Variants in CRMP1 observed in about 807,000 individuals in gnomAD.
CRMP1 encodes dihydropyrimidinase-related protein 1.
A neutral mutation model predicts 68.3 loss-of-function variants in CRMP1; 19 were observed. The ratio of observed to expected loss-of-function variants is 0.28; its 90% CI spans 0.19 to 0.41. CRMP1 has a LOEUF of 0.41. CRMP1 is among the 10% of genes least tolerant of loss of function. CRMP1 has a pLI of 1.00. For synonymous variants in CRMP1, 439 were observed against 399.6 expected, an observed-to-expected ratio of 1.10 and a Z score of -1.18; for missense variants, 791 against 967.4, an observed-to-expected ratio of 0.82 and a Z score of 2.42.
chr4:5,890,713 G>A lies in CRMP1; in HGVS notation c.381+1876C>T, dbSNP rs1224034489. On this transcript the variant is annotated intron_variant, in intron 1 of 13. Transcript: ENST00000324989. This position sits in a 1 kb window ranked among gnomAD's most constrained non-coding sequence, Gnocchi z 5.5. ...GAAGGAGTAGGGGAGAGGAACGGGAGAGGTGAAGCGACCAGCGTCCCCAAG... is the reference window on the plus strand; with the variant it reads ...GAAGGAGTAGGGGAGAGGAACGGGAAAGGTGAAGCGACCAGCGTCCCCAAG... Among the ~76,000 whole-genome samples the A allele has an allele frequency of 6.6e-6, 1 of 152,192 alleles. No individual in the cohort carries two copies. Among genetic ancestry groups the A allele is most frequent in the Admixed American group, 6.5e-5 (1 of 15,294 alleles).
rs1411332979 is a variant in CRMP1 at position 5,861,663 on chromosome 4, G to A, written c.471-453C>T. 3.3e-5 allele frequency among the ~76,000 whole-genome samples: 5 copies of A among 152,106 alleles called. No homozygotes were observed. The highest frequency in any genetic ancestry group is 3.2e-3 in the Middle Eastern group (1 of 316). Reference sequence around the variant, plus strand: ...CTACGAAATGAGAAACGAAGCCCCCGGGGATCTCCATGGGTGACTTATTGA... The same window carrying A: ...CTACGAAATGAGAAACGAAGCCCCCAGGGATCTCCATGGGTGACTTATTGA... On this transcript the variant is annotated intron_variant, in intron 2 of 13. Coordinates refer to ENST00000324989, the MANE Select transcript of CRMP1 (RefSeq NM_001014809.3). The surrounding 1 kb of genome is among the most constrained non-coding windows in gnomAD (Gnocchi z 6.0).
At chr4:5,833,837 G>A (rs1348096753) in intron 11 of CRMP1, among the ~76,000 whole-genome samples, 1 of 152,142 alleles carries the variant, frequency 6.6e-6, no homozygotes, top group Non-Finnish European at 1.5e-5. Context: ...GAGGTCAGGA[G>A]ATCGAGACCA....
chr4:5,890,829 C>A lies in CRMP1; in HGVS notation c.381+1760G>T, dbSNP rs1048465571. ...TTGACCGCAGTTCCAGAGGAACTCT[C>A]CTTGGGACAGCTACGGGCCGTGCAC... On this transcript the variant is annotated intron_variant, in intron 1 of 13. Transcript: ENST00000324989. This position sits in a 1 kb window ranked among gnomAD's most constrained non-coding sequence, Gnocchi z 5.5. Among the ~76,000 whole-genome samples the A allele has an allele frequency of 6.6e-6, 1 of 152,078 alleles. No individual in the cohort carries two copies. The highest frequency in any genetic ancestry group is 2.4e-5 in the African/African-American group (1 of 41,418).
At position 5,821,074 on chromosome 4, in the gene CRMP1, A is replaced by T. The variant is rs1718459254; in HGVS notation, c.*686T>A. On this transcript the variant is annotated 3_prime_UTR_variant, in exon 14 of 14. Coordinates refer to ENST00000324989, the MANE Select transcript of CRMP1 (RefSeq NM_001014809.3). The surrounding 1 kb of genome is among the most constrained non-coding windows in gnomAD (Gnocchi z 4.4). The stretch of plus-strand genomic sequence containing the variant: ...GAGCTGGCTTGAAGAACACACACAG[A>T]CCAGAAGACAGCACGGTGAGTTACA... 3 of 152,284 alleles carry T rather than the reference A, an allele frequency of 2.0e-5. No homozygotes were observed. In the South Asian group the frequency reaches 6.2e-4, roughly 32 times the overall value. 9.4% of individuals were successfully genotyped at this position (152,284 alleles called of 1,614,324 possible).
At chr4:5,823,027 A>G (rs942541178) in intron 13 of CRMP1, among the ~76,000 whole-genome samples, 1 of 152,018 alleles carries the variant, frequency 6.6e-6, no homozygotes, top group Admixed American at 6.6e-5. Flanking sequence ...TTTACCGACA[A>G]CTGTCTTGGT....
intron 11 of CRMP1, among the ~76,000 whole-genome samples, chr4:5,829,288 C>T (rs144216197): frequency 1.3e-5 from 2 of 152,154 alleles, no homozygotes; most frequent in African/African-American, 4.8e-5. Context: ...ACTCGGGAGG[C>T]TGAGGTATGA....
rs972461259 is a variant in CRMP1, at chr4:5,821,928, C to G, written c.1970-77G>C. On this transcript the variant is annotated intron_variant, in intron 13 of 13. Coordinates refer to ENST00000324989, the MANE Select transcript of CRMP1 (RefSeq NM_001014809.3). The surrounding 1 kb of genome is among the most constrained non-coding windows in gnomAD (Gnocchi z 4.4). ...ACGCTGCTCCTGGAGGCCATGTACT[C>G]TGCCATGCACTCCACTGGACCCACC... The G allele has an allele frequency of 8.9e-6, 10 of 1,129,848 alleles. No individual in the cohort carries two copies. Among genetic ancestry groups the G allele is most frequent in the Non-Finnish European group, 1.2e-5 (10 of 824,516 alleles). 70.0% of individuals were successfully genotyped at this position (1,129,848 alleles called of 1,614,324 possible).
In CRMP1 at chr4:5,849,437, T is replaced by G. The variant is rs775285008; in HGVS notation, c.918A>C (p.Gly306=). 3 of 1,612,880 alleles carry G rather than the reference T, an allele frequency of 1.9e-6. No homozygotes were observed. The highest frequency in any genetic ancestry group is 1.7e-6 in the Non-Finnish European group (2 of 1,179,822). Residue 306 remains glycine, a synonymous_variant, in exon 6 of 14, where the codon GGA becomes GGC. Coordinates refer to ENST00000324989, the MANE Select transcript of CRMP1 (RefSeq NM_001014809.3). The part of the protein sequence containing the change: ...YEAFTFLKGL[G]AVILVHAENG... ...TTTCTGCATGGACCAAGATCACAGCTCCCAGGCCCTTAAGGAAGGTAAAGG... is the reference window on the plus strand; with the variant it reads ...TTTCTGCATGGACCAAGATCACAGCGCCCAGGCCCTTAAGGAAGGTAAAGG...
In CRMP1 at chr4:5,859,508, T is replaced by C. The variant is rs938552071; in HGVS notation, c.655+1518A>G. ...ATGTCCCATGCACTACATGAAGGAA[T>C]CTCATGTACGTCTCCAAACCACCCT... On this transcript the variant is annotated intron_variant, in intron 3 of 13. Coordinates refer to ENST00000324989, the MANE Select transcript of CRMP1 (RefSeq NM_001014809.3). This position sits in a 1 kb window ranked among gnomAD's most constrained non-coding sequence, Gnocchi z 5.2. Among the ~76,000 whole-genome samples, 1 of 152,150 alleles carries C rather than the reference T, an allele frequency of 6.6e-6. No homozygotes were observed. The highest frequency in any genetic ancestry group is 2.4e-5 in the African/African-American group (1 of 41,426).
In CRMP1 at chr4:5,841,578, C is replaced by G; in HGVS notation, c.1033-150G>C. ...TGAGTCCAACAGCGCTTGACAGTGC[C>G]CCCTGCTCTCCGGGGTGGAGCATTG... On this transcript the variant is annotated intron_variant, in intron 7 of 13. Coordinates refer to ENST00000324989, the MANE Select transcript of CRMP1 (RefSeq NM_001014809.3). The surrounding 1 kb of genome is among the most constrained non-coding windows in gnomAD (Gnocchi z 6.9). The G allele has an allele frequency of 4.9e-6, 6 of 1,231,258 alleles. No homozygotes were observed. In the South Asian group the frequency reaches 8.5e-5, roughly 18 times the overall value. 76.3% of individuals were successfully genotyped at this position (1,231,258 alleles called of 1,614,324 possible).
chr4:5,881,378 C>A lies in CRMP1; in HGVS notation c.381+11211G>T, dbSNP rs1259904769. ...GTTCTCAACCTTACTGTACTCAGGA[C>A]ATACTTTCAAATCATATAAAATTTT... On this transcript the variant is annotated intron_variant, in intron 1 of 13. Coordinates refer to ENST00000324989, the MANE Select transcript of CRMP1 (RefSeq NM_001014809.3). This position sits in a 1 kb window ranked among gnomAD's most constrained non-coding sequence, Gnocchi z 4.6. 6.6e-6 allele frequency among the ~76,000 whole-genome samples: 1 copy of A among 152,200 alleles called. No individual in the cohort carries two copies. Among genetic ancestry groups the A allele is most frequent in the Non-Finnish European group, 1.5e-5 (1 of 68,032 alleles).
chr4:5,833,615 G>A (rs916295531), intron 11 of CRMP1, among the ~76,000 whole-genome samples: 1 of 152,092 alleles, frequency 6.6e-6, no homozygotes, highest in South Asian at 2.1e-4. Context: ...TTAGAAGATC[G>A]TGAGGATTAA....
At position 5,855,349 on chromosome 4, in the gene CRMP1, C is replaced by T. The variant is rs189661335; in HGVS notation, c.820+794G>A. Among the ~76,000 whole-genome samples, 37 of 152,290 alleles carry T rather than the reference C, an allele frequency of 2.4e-4. No individual in the cohort carries two copies. Among genetic ancestry groups the T allele is most frequent in the African/African-American group, 8.9e-4 (37 of 41,572 alleles). On this transcript the variant is annotated intron_variant, in intron 4 of 13. Transcript: ENST00000324989. This position sits in a 1 kb window ranked among gnomAD's most constrained non-coding sequence, Gnocchi z 4.9. ...CACACCCTCGCTCTCCTTGAAGCAC[C>T]ACCATTTGAGGCTGCCTCCTCAGAG... is the stretch of plus-strand genomic sequence containing the variant.
chr4:5,857,503 T>C (rs1376144118), intron 3 of CRMP1, among the ~76,000 whole-genome samples: 1 of 152,098 alleles, frequency 6.6e-6, no homozygotes, highest in Non-Finnish European at 1.5e-5. Context: ...ATCACCACCA[T>C]TGTCATCATC....
At position 5,854,167 on chromosome 4, in the gene CRMP1, A is replaced by G. The variant is rs938715873; in HGVS notation, c.820+1976T>C. Among the ~76,000 whole-genome samples the G allele has an allele frequency of 2.6e-5, 4 of 152,224 alleles. No individual in the cohort carries two copies. Among genetic ancestry groups the G allele is most frequent in the African/African-American group, 7.2e-5 (3 of 41,458 alleles). ...GAACTTAACATTAGGTAAGGAAAGT[A>G]AGATACAAGACTGTCAATTTCCTTG... On this transcript the variant is annotated intron_variant, in intron 4 of 13. Coordinates refer to ENST00000324989, the MANE Select transcript of CRMP1 (RefSeq NM_001014809.3). The surrounding 1 kb of genome is among the most constrained non-coding windows in gnomAD (Gnocchi z 4.0).
At chr4:5,833,542 A>AACTTACTT (rs200481093) in intron 11 of CRMP1, among the ~76,000 whole-genome samples, 4 of 142,526 alleles carry the variant, frequency 2.8e-5, no homozygotes, top group African/African-American at 1.1e-4. Context: ...GTCCAGAGGA[A>AACTTACTT]ACTTACACAT....
rs897076171 is a variant in CRMP1 at position 5,881,032 on chromosome 4, C to T, written c.381+11557G>A. Among the ~76,000 whole-genome samples the T allele has an allele frequency of 1.3e-5, 2 of 152,162 alleles. No individual in the cohort carries two copies. The highest frequency in any genetic ancestry group is 2.9e-5 in the Non-Finnish European group (2 of 68,034). On this transcript the variant is annotated intron_variant, in intron 1 of 13. Transcript: ENST00000324989. The surrounding 1 kb of genome is among the most constrained non-coding windows in gnomAD (Gnocchi z 4.6). ...GTTACTGAAATTGAAGTGCTCACCA[C>T]CCCCAGCCCAGGAGGAGGAATCCTT...
chr4:5,856,415 A>C, intron 3 of CRMP1, 108 bp from the exon 4 acceptor site: 1 of 1,002,908 alleles, frequency 1.0e-6, no homozygotes. Flanking sequence ...CACCACCATC[A>C]TCATCATCAC....
intron 11 of CRMP1, among the ~76,000 whole-genome samples, chr4:5,831,043 G>A (rs746842089): frequency 1.3e-5 from 2 of 152,078 alleles, no homozygotes; most frequent in Non-Finnish European, 2.9e-5. Context: ...CCAAGTCCTG[G>A]GCTCAAGCAA....
Sources: gnomAD v4.1 joint callset for allele counts (sites outside exome capture counted in the v4.1 genomes callset) on GRCh38, gnomAD v4.1.1 for gene constraint, Gnocchi (gnomAD v3.1) non-coding constraint, MANE v1.5 for transcripts, NCBI Gene and HGNC (gene_info 2026-07-23, HGNC 2026-07-21) for gene names.